Variants in G3BP1 observed in about 807,000 individuals in gnomAD.
G3BP1 encodes the protein G3BP stress granule assembly factor 1, also known as ras GTPase-activating protein-binding protein 1.
G3BP1 carries 35 observed loss-of-function variants against 58.6 expected under a neutral mutation model. That is an observed-to-expected ratio of 0.60 (90% CI 0.46 to 0.79). The LOEUF (loss-of-function observed/expected upper bound fraction) is 0.79, where lower values mean the gene tolerates loss of function less well. Ranked by LOEUF, G3BP1 falls within the 30% of genes least tolerant of loss-of-function variation. The pLI is 0.00. For missense variants in G3BP1, 523 were observed against 580.8 expected (o/e 0.90, Z 1.02); for synonymous variants, 191 against 195.4 (o/e 0.98, Z 0.19).
At chr5:151,793,586 C>T (rs1421380653) in intron 4 of G3BP1, among the ~76,000 whole-genome samples, 1 of 152,140 alleles carries the variant, frequency 6.6e-6, no homozygotes, top group African/African-American at 2.4e-5. Context: ...AGTCTTGGCA[C>T]TGTTGACATT....
intron 4 of G3BP1, chr5:151,791,823 A>G (rs1762662249): frequency 1.0e-5 from 3 of 290,690 alleles, no homozygotes; most frequent in South Asian, 8.8e-5. Context: ...TACTCGGCTG[A>G]TTTTAGTATT....
chr5:151,772,485 G>A (rs1762288041), intron 1 of G3BP1: 1 of 152,600 alleles, frequency 6.6e-6, no homozygotes, highest in Non-Finnish European at 1.5e-5. Context: ...ACTAAAGTCT[G>A]ATTGGAGTCT....
chr5:151,792,198 C>A (rs756061019), intron 4 of G3BP1: 1 of 444,412 alleles, frequency 2.3e-6, no homozygotes, highest in South Asian at 1.6e-5. Context: ...CTAGACTGAA[C>A]AAGGTTAGGA....
chr5:151,772,870 G>C (rs1019631026), intron 1 of G3BP1, among the ~76,000 whole-genome samples: 1 of 152,256 alleles, frequency 6.6e-6, no homozygotes, highest in African/African-American at 2.4e-5. Flanking sequence ...GCCACCTGCC[G>C]AGAAGGCTGC....
At chr5:151,787,795 G>T in intron 2 of G3BP1, 1 of 260,730 alleles carries the variant, frequency 3.8e-6, no homozygotes, top group Non-Finnish European at 7.7e-6. Context: ...TGATTATCAG[G>T]TATAAAATAA....
At chr5:151,785,328 G>T (rs1168798695) in intron 1 of G3BP1, among the ~76,000 whole-genome samples, 3 of 152,120 alleles carry the variant, frequency 2.0e-5, no homozygotes, top group Non-Finnish European at 4.4e-5. Context: ...ACTAATTGGG[G>T]TAGATATTCA....
intron 2 of G3BP1, among the ~76,000 whole-genome samples, chr5:151,789,923 C>T (rs540490975): frequency 1.3e-5 from 2 of 152,214 alleles, no homozygotes; most frequent in East Asian, 1.9e-4. Context: ...ACCTACAATT[C>T]CAGCACTTTG....
rs764695841 is a variant in G3BP1 at position 151,803,891 on chromosome 5, A to G, written c.1201A>G (p.Met401Val). 6.2e-6 allele frequency: 10 copies of G among 1,610,796 alleles called. No homozygotes were observed. The African/African-American group carries it at 1.3e-4, about 22-fold the overall frequency. Residue 401 changes from methionine (M) to valine (V), a missense_variant, in exon 12 of 12, where the codon ATG becomes GTG. Physicochemically the swap from Met to Val is conservative, Grantham distance 21 (BLOSUM62 1). Coordinates refer to ENST00000356245, the MANE Select transcript of G3BP1 (RefSeq NM_005754.3). ...GTCACCTTGATTCTTACAGCCCATCATGTTCAGAGGTGAGGTCCGTCTGAA... is the reference window on the plus strand; with the variant it reads ...GTCACCTTGATTCTTACAGCCCATCGTGTTCAGAGGTGAGGTCCGTCTGAA... ...VQKVLSNRPI[M>V]FRGEVRLNVE...
chr5:151,797,094 T>A (rs1454180687), intron 6 of G3BP1, 133 bp from the exon 7 acceptor site: 4 of 779,838 alleles, frequency 5.1e-6, no homozygotes, highest in Non-Finnish European at 8.3e-6. Flanking sequence ...CAGATAGATA[T>A]ACAATTCTTA....
intron 1 of G3BP1, among the ~76,000 whole-genome samples, chr5:151,775,357 G>A (rs1016711950): frequency 6.6e-6 from 1 of 152,196 alleles, no homozygotes; most frequent in Non-Finnish European, 1.5e-5. Context: ...GTAACCTTTT[G>A]CATATTTAGA....
intron 1 of G3BP1, among the ~76,000 whole-genome samples, chr5:151,785,513 G>C (rs182173424): frequency 6.6e-6 from 1 of 152,212 alleles, no homozygotes; most frequent in East Asian, 1.9e-4. Context: ...CTGTTTGCCT[G>C]TATGTTTAAG....
intron 11 of G3BP1, among the ~76,000 whole-genome samples, chr5:151,803,306 T>C (rs563707610): frequency 2.6e-5 from 4 of 152,210 alleles, no homozygotes; most frequent in Non-Finnish European, 5.9e-5. Context: ...TTATTTTTTA[T>C]TTTTTATTGG....
At chr5:151,787,014 T>G (rs1016675074) in intron 2 of G3BP1, 3 of 186,310 alleles carry the variant, frequency 1.6e-5, no homozygotes, top group Admixed American at 6.1e-5. Context: ...GGCTAATTTT[T>G]GTATTTTTTT....
rs370340219 is a variant in G3BP1, at chr5:151,790,944, G to A, written c.233G>A (p.Arg78His). 1.3e-5 allele frequency: 21 copies of A among 1,610,416 alleles called. No individual in the cohort carries two copies. The highest frequency in any genetic ancestry group is 1.6e-5 in the Non-Finnish European group (19 of 1,178,106). The change falls in exon 4 of 12, where the codon CGC becomes CAC. Residue 78 changes from arginine to histidine, a missense_variant. Arg to His is a conservative substitution (Grantham distance 29). Coordinates refer to ENST00000356245, the MANE Select transcript of G3BP1 (RefSeq NM_005754.3). Reference sequence around the variant, plus strand: ...TTCACCAACTGCCACACCAAGATTCGCCATGTTGATGCTCATGCCACGCTA... The same window carrying A: ...TTCACCAACTGCCACACCAAGATTCACCATGTTGATGCTCATGCCACGCTA... The part of the protein sequence containing the change: ...QNFTNCHTKI[R>H]HVDAHATLND...
chr5:151,779,510 C>T (rs1199639367), intron 1 of G3BP1, among the ~76,000 whole-genome samples: 1 of 152,096 alleles, frequency 6.6e-6, no homozygotes, highest in Non-Finnish European at 1.5e-5. Flanking sequence ...TTCATGGATC[C>T]ATTTGTCTCT....
At chr5:151,801,642 C>G (rs1762851561) in intron 11 of G3BP1, among the ~76,000 whole-genome samples, 1 of 152,094 alleles carries the variant, frequency 6.6e-6, no homozygotes, top group African/African-American at 2.4e-5. Context: ...GCCATAAGCT[C>G]TTTACTCACT....
intron 4 of G3BP1, chr5:151,791,328 T>C (rs1367960777): frequency 7.2e-6 from 2 of 276,282 alleles, no homozygotes; most frequent in African/African-American, 4.3e-5. Flanking sequence ...ATTCAGGAAA[T>C]GTTGATGCAA....
Position 151,787,707 on chromosome 5 carries a change from A to C in G3BP1, c.95+992A>C, listed in dbSNP as rs754122760. ...GGACTTGTTAGAATAATTTCATAGA[A>C]GTTTCAAAATGTGTATTTGCTGGAC... is the stretch of plus-strand genomic sequence containing the variant. On this transcript the variant is annotated intron_variant, in intron 2 of 11. Coordinates refer to ENST00000356245, the MANE Select transcript of G3BP1 (RefSeq NM_005754.3). 2.6e-5 allele frequency: 6 copies of C among 231,358 alleles called. 1 individual carries two copies. In the South Asian group the frequency reaches 2.7e-4, roughly 10 times the overall value. 14.3% of individuals were successfully genotyped at this position (231,358 alleles called of 1,614,324 possible). A position where few individuals can be genotyped will look rare whatever the true frequency, so the allele number is the denominator to read the frequency against.
At chr5:151,791,388 T>G (rs936969783) in intron 4 of G3BP1, 8 of 184,524 alleles carry the variant, frequency 4.3e-5, no homozygotes, top group Non-Finnish European at 2.3e-5. Context: ...CAATAATGTC[T>G]TAACAGTAAT....
Sources: gnomAD v4.1 joint callset for allele counts (sites outside exome capture counted in the v4.1 genomes callset) on GRCh38, gnomAD v4.1.1 for gene constraint, MANE v1.5 for transcripts, NCBI Gene and HGNC (gene_info 2026-07-23, HGNC 2026-07-21) for gene names.